SLC4A4: variants seen among roughly 807,000 people sequenced by gnomAD.
The protein encoded by SLC4A4 is electrogenic sodium bicarbonate cotransporter 1.
A neutral mutation model predicts 111.5 loss-of-function variants in SLC4A4; 27 were observed. The ratio of observed to expected loss-of-function variants is 0.24; its 90% CI spans 0.18 to 0.33. The LOEUF (loss-of-function observed/expected upper bound fraction) is 0.33. SLC4A4 is among the 10% of genes least tolerant of loss of function. The pLI, the probability that SLC4A4 is intolerant of heterozygous loss-of-function variation, is 1.00. For synonymous variants in SLC4A4, 443 were observed against 463.4 expected (o/e 0.96, Z 0.57); for missense variants, 909 against 1,315.5 (o/e 0.69, Z 4.78).
intron 2 of SLC4A4, among the ~76,000 whole-genome samples, chr4:71,121,530 C>A (rs1317055752): frequency 6.6e-6 from 1 of 152,202 alleles, no homozygotes; most frequent in African/African-American, 2.4e-5. Flanking sequence ...TTTGTGAAGG[C>A]ACCAATCAGC....
At chr4:71,223,969 C>CT (rs1387950255) in intron 1 of SLC4A4, among the ~76,000 whole-genome samples, 2 of 152,106 alleles carry the variant, frequency 1.3e-5, no homozygotes, top group African/African-American at 4.8e-5. Context: ...TCTTCTGCCA[C>CT]TTAGGAGCCC....
intron 15 of SLC4A4, 75 bp downstream of exon 15, chr4:71,487,093 A>G (rs1729475453): frequency 1.1e-6 from 1 of 879,622 alleles, no homozygotes; most frequent in Non-Finnish European, 1.9e-6. Flanking sequence ...CTTATAATAT[A>G]TGATGTCTTC....
intron 3 of SLC4A4, among the ~76,000 whole-genome samples, chr4:71,279,888 C>T (rs550183197): frequency 5.3e-5 from 8 of 152,124 alleles, no homozygotes; most frequent in South Asian, 2.1e-4. Context: ...CTCTGCTTCC[C>T]GGGTTCAAGA....
intron 2 of SLC4A4, among the ~76,000 whole-genome samples, chr4:71,107,355 G>T (rs1463333084): frequency 4.0e-5 from 6 of 150,600 alleles, no homozygotes; most frequent in Admixed American, 6.6e-5. Context: ...TTTGTTTTTG[G>T]TGTTTTTTTG....
chr4:71,280,924 A>T (rs1723463824), intron 3 of SLC4A4, among the ~76,000 whole-genome samples: 1 of 152,226 alleles, frequency 6.6e-6, no homozygotes. Context: ...CACAAGTAAT[A>T]AGTTCTCATA....
In SLC4A4 at chr4:71,089,339, C is replaced by A. The variant is rs150514339; in HGVS notation, c.-64-3391C>A. On this transcript the variant is annotated intron_variant, in intron 1 of 26. Transcript: ENST00000649996. ...GTTTTTAACTTCTTTGCCATGGGTT[C>A]GAACTTCCTCCTTTAGCTTGGTGTA... is the stretch of plus-strand genomic sequence containing the variant. Among the ~76,000 whole-genome samples the A allele has an allele frequency of 2.3e-3, 353 of 151,990 alleles. 10 individuals are homozygous for A. Among genetic ancestry groups the A allele is most frequent in the African/African-American group, 8.3e-3 (342 of 41,356 alleles).
chr4:71,249,838 C>T (rs1483223690), intron 2 of SLC4A4, among the ~76,000 whole-genome samples: 3 of 151,078 alleles, frequency 2.0e-5, no homozygotes, highest in East Asian at 3.9e-4. Context: ...GAGCCGAGAT[C>T]GTGCTACTGC....
intron 16 of SLC4A4, among the ~76,000 whole-genome samples, chr4:71,521,293 G>C (rs1301852855): frequency 6.6e-6 from 1 of 152,086 alleles, no homozygotes; most frequent in Non-Finnish European, 1.5e-5. Context: ...GTGCGGTGGA[G>C]TAATCATGGC....
chr4:71,350,222 T>C, intron 5 of SLC4A4, 150 bp downstream of exon 5: 1 of 795,628 alleles, frequency 1.3e-6, no homozygotes, highest in Non-Finnish European at 2.0e-6. Context: ...GTATGATTTA[T>C]TGCAAGAAAA....
chr4:71,325,717 A>T (rs1265090985), intron 3 of SLC4A4, among the ~76,000 whole-genome samples: 1 of 152,012 alleles, frequency 6.6e-6, no homozygotes, highest in African/African-American at 2.4e-5. Context: ...TGTGGCAAGA[A>T]GTTGTGATAT....
At chr4:71,437,118 A>T (rs1724230933) in intron 7 of SLC4A4, 2 of 461,590 alleles carry the variant, frequency 4.3e-6, no homozygotes, top group Non-Finnish European at 8.6e-6. Flanking sequence ...CAGGATCTTT[A>T]TCAGTTCCTA....
intron 7 of SLC4A4, among the ~76,000 whole-genome samples, chr4:71,404,132 T>A (rs1017675486): frequency 2.0e-5 from 3 of 152,188 alleles, no homozygotes; most frequent in African/African-American, 7.2e-5. Context: ...GAAGTGGGTG[T>A]AAGCCACCAA....
At chr4:71,178,602 T>C (rs1424466827) in intron 2 of SLC4A4, among the ~76,000 whole-genome samples, 1 of 152,180 alleles carries the variant, frequency 6.6e-6, no homozygotes, top group Non-Finnish European at 1.5e-5. Flanking sequence ...CTAGAAAATC[T>C]AGAAGAAATG....
intron 2 of SLC4A4, among the ~76,000 whole-genome samples, chr4:71,156,381 C>T (rs1399950919): frequency 1.3e-5 from 2 of 152,024 alleles, no homozygotes; most frequent in African/African-American, 4.8e-5. Context: ...TATGTGCACA[C>T]CTTAGGTACA....
intron 1 of SLC4A4, among the ~76,000 whole-genome samples, chr4:71,086,643 T>G (rs1274279266): frequency 6.6e-6 from 1 of 152,094 alleles, no homozygotes; most frequent in African/African-American, 2.4e-5. Context: ...AAAGGCATTT[T>G]CTGCATCTAT....
rs1323812601 is a variant in SLC4A4 at position 71,166,826 on chromosome 4, A to G, written c.-1-69750A>G. Reference sequence around the variant, plus strand: ...AAACTTCATTTGGGTAAGTGAAATGACATTTAGTTTAAAAATTTTGTTTGG... The same window carrying G: ...AAACTTCATTTGGGTAAGTGAAATGGCATTTAGTTTAAAAATTTTGTTTGG... On this transcript the variant is annotated intron_variant, in intron 2 of 26. Coordinates refer to the SLC4A4 transcript ENST00000649996. 3.9e-5 allele frequency among the ~76,000 whole-genome samples: 6 copies of G among 152,224 alleles called. No homozygotes were observed. The East Asian group carries it at 9.6e-4, about 24-fold the overall frequency.
At chr4:71,212,842 G>A (rs1241917916) in intron 1 of SLC4A4, among the ~76,000 whole-genome samples, 1 of 152,158 alleles carries the variant, frequency 6.6e-6, no homozygotes, top group African/African-American at 2.4e-5. Flanking sequence ...CCAAAGGTGA[G>A]AGAAGTAAAT....
chr4:71,100,724 C>T (rs938294991), intron 2 of SLC4A4, among the ~76,000 whole-genome samples: 9 of 152,296 alleles, frequency 5.9e-5, no homozygotes, highest in African/African-American at 1.7e-4. Context: ...AAAGCTCCTT[C>T]AGGTGATAAA....
chr4:71,255,324 A>C lies in SLC4A4; in HGVS notation c.178A>C (p.Ile60Leu), dbSNP rs1185702051. Residue 60 changes from isoleucine to leucine, a missense_variant, in exon 3 of 26, where the codon ATC becomes CTC. Physicochemically the swap from Ile to Leu is conservative, Grantham distance 5. Coordinates refer to ENST00000264485, the MANE Select transcript of SLC4A4 (RefSeq NM_001098484.3). ...CAAAGAAAAGAAGGAAAAGGAGAGA[A>C]TCTCTGAGAACTACTCTGACAAATC... is the stretch of plus-strand genomic sequence containing the variant. ...GHKEKKEKER[I>L]SENYSDKSDI... 4 of 1,613,574 alleles carry C rather than the reference A, an allele frequency of 2.5e-6. No homozygotes were observed. Among genetic ancestry groups the C allele is most frequent in the East Asian group, 2.2e-5 (1 of 44,860 alleles).
Sources: allele counts gnomAD v4.1 joint callset (sites outside exome capture counted in the v4.1 genomes callset), GRCh38; gene constraint gnomAD v4.1.1; transcripts MANE v1.5; gene names NCBI Gene and HGNC (gene_info 2026-07-23, HGNC 2026-07-21).